The following UNC79 variants were observed in gnomAD, a reference collection of about 807,000 sequenced individuals.
The protein encoded by UNC79 is protein unc-79 homolog.
A neutral mutation model predicts 283.1 loss-of-function variants in UNC79; 37 were observed. The observed-to-expected ratio is 0.13, with a 90% CI of 0.10 to 0.17. UNC79 has a LOEUF of 0.17. Among genes scored for constraint, UNC79 ranks in the 10% least tolerant of loss-of-function variants. UNC79 has a pLI of 1.00. For synonymous variants in UNC79, 1,107 were observed against 1,200.2 expected, an observed-to-expected ratio of 0.92 and a Z score of 1.61; for missense variants, 2,272 against 3,211.1, an observed-to-expected ratio of 0.71 and a Z score of 7.07.
chr14:93,594,205 G>A (rs1460819842), intron 23 of UNC79, among the ~76,000 whole-genome samples: 1 of 152,064 alleles, frequency 6.6e-6, no homozygotes, highest in Admixed American at 6.6e-5. Context: ...ACATTATCTG[G>A]CCACATCCTA....
intron 48 of UNC79, among the ~76,000 whole-genome samples, chr14:93,705,185 T>C (rs975254575): frequency 6.6e-6 from 1 of 151,926 alleles, no homozygotes; most frequent in African/African-American, 2.4e-5. Context: ...TACAGTGAGC[T>C]ATGATCCTGC....
chr14:93,516,898 C>G (rs1219900128), intron 7 of UNC79, among the ~76,000 whole-genome samples: 1 of 151,942 alleles, frequency 6.6e-6, no homozygotes, highest in African/African-American at 2.4e-5. Flanking sequence ...GCAATATTTG[C>G]TGGTTTTTAG....
chr14:93,679,974 T>C (rs1349466713), intron 41 of UNC79, among the ~76,000 whole-genome samples: 1 of 152,238 alleles, frequency 6.6e-6, no homozygotes, highest in East Asian at 1.9e-4. Flanking sequence ...CAGAAAGGTT[T>C]ATTAAGGTTT....
chr14:93,528,473 C>A, intron 8 of UNC79, 85 bp from the exon 9 acceptor site: 1 of 1,253,050 alleles, frequency 8.0e-7, no homozygotes, highest in Non-Finnish European at 1.1e-6. Flanking sequence ...GAAAATCTGT[C>A]ATTATTGAAG....
At chr14:93,358,237 G>A (rs377090054) in intron 1 of UNC79, among the ~76,000 whole-genome samples, 1 of 152,070 alleles carries the variant, frequency 6.6e-6, no homozygotes, top group Non-Finnish European at 1.5e-5. Context: ...TGACACCCCT[G>A]AGAGGCAAGG....
rs570596416 is a variant in UNC79 at position 93,646,208 on chromosome 14, T to C, written c.6045-400T>C. On this transcript the variant is annotated intron_variant, in intron 34 of 48. Coordinates refer to ENST00000555664, the Ensembl canonical transcript of UNC79. ...TCCTGTTATCTATTTTACTATCTTA[T>C]GGAGGCTTTTACCACTTGTGGTTTG... 2.0e-5 allele frequency among the ~76,000 whole-genome samples: 3 copies of C among 152,324 alleles called. No homozygotes were observed. The East Asian group carries it at 5.8e-4, about 29-fold the overall frequency.
chr14:93,463,419 A>T (rs1470932874), intron 1 of UNC79, among the ~76,000 whole-genome samples: 1 of 152,146 alleles, frequency 6.6e-6, no homozygotes, highest in Non-Finnish European at 1.5e-5. Flanking sequence ...CTGAAGGCAG[A>T]GGACTGTCGC....
At chr14:93,507,818 A>G (rs1376355967) in intron 7 of UNC79, among the ~76,000 whole-genome samples, 1 of 152,144 alleles carries the variant, frequency 6.6e-6, no homozygotes, top group Non-Finnish European at 1.5e-5. Context: ...TTCTCCTTCC[A>G]GAAGGTCTAT....
At position 93,621,946 on chromosome 14, in the gene UNC79, A is replaced by C. The variant is rs1240686157; in HGVS notation, c.4713A>C (p.Pro1571=). 6.2e-7 allele frequency: 1 copy of C among 1,614,066 alleles called. No homozygotes were observed. Among genetic ancestry groups the C allele is most frequent in the Non-Finnish European group, 8.5e-7 (1 of 1,180,002 alleles). The change falls in exon 30 of 49, where the codon CCA becomes CCC. Residue 1571 remains proline (P), a synonymous_variant. Coordinates refer to ENST00000555664, the Ensembl canonical transcript of UNC79. The surrounding 1 kb of genome is among the most constrained non-coding windows in gnomAD (Gnocchi z 4.8). ...AGAACCCAGCTATGGAAGGGTTTCC[A>C]GATGCTCGAAGGCCTGTCATACCAG...
chr14:93,600,210 CAAAG>C (rs1233002685), intron 24 of UNC79, among the ~76,000 whole-genome samples: 3 of 151,996 alleles, frequency 2.0e-5, no homozygotes, highest in African/African-American at 7.2e-5. Flanking sequence ...AAAAAACAAA[CAAAG>C]AAACAAACAA....
At chr14:93,637,457 C>G in intron 32 of UNC79, 158 bp downstream of exon 35, 1 of 1,302,380 alleles carries the variant, frequency 7.7e-7, no homozygotes, top group African/African-American at 1.5e-5. Flanking sequence ...TGCGTGACAT[C>G]TCATCTTTGA....
rs1162215240 is a variant in UNC79 at position 93,693,782 on chromosome 14, T to C, written c.7471-553T>C. On this transcript the variant is annotated intron_variant, in intron 46 of 48. Coordinates refer to ENST00000555664, the Ensembl canonical transcript of UNC79. The stretch of plus-strand genomic sequence containing the variant: ...TACCCTAGTCTAATGTAAATCCCCT[T>C]ACCTTGCAAAAGATATCCAGAAAAC... Among the ~76,000 whole-genome samples the C allele has an allele frequency of 4.6e-5, 7 of 152,248 alleles. 1 individual carries two copies. Among genetic ancestry groups the C allele is most frequent in the Non-Finnish European group, 8.8e-5 (6 of 68,050 alleles).
chr14:93,608,693 T>G (rs1318407699), intron 26 of UNC79, among the ~76,000 whole-genome samples: 1 of 152,198 alleles, frequency 6.6e-6, no homozygotes, highest in African/African-American at 2.4e-5. Flanking sequence ...GATCCTTTCT[T>G]CCTCTACCTA....
intron 26 of UNC79, 101 bp downstream of exon 27, chr14:93,605,062 G>C: frequency 7.9e-7 from 1 of 1,271,072 alleles, no homozygotes. Flanking sequence ...GATATACCTA[G>C]GATTTGCAAG....
Position 93,630,029 on chromosome 14 carries a change from T to C in UNC79, c.5609-772T>C, listed in dbSNP as rs114714078. On this transcript the variant is annotated intron_variant, in intron 30 of 48. Coordinates refer to ENST00000555664, the Ensembl canonical transcript of UNC79. ...GGGACAGAGTGTTTCCCATTACTGA[T>C]AGGTTAATAAGACAATATTATATGC... Among the ~76,000 whole-genome samples the C allele has an allele frequency of 6.9e-3, 1,053 of 152,338 alleles. 17 individuals are homozygous for C. Among genetic ancestry groups the C allele is most frequent in the African/African-American group, 0.025 (1,019 of 41,576 alleles).
At chr14:93,654,170 T>A (rs2070645653) in intron 37 of UNC79, 145 bp downstream of exon 40, 1 of 562,666 alleles carries the variant, frequency 1.8e-6, no homozygotes, top group Non-Finnish European at 2.8e-6. Context: ...AAATCTAAAA[T>A]TTTAAAATTA....
intron 14 of UNC79, among the ~76,000 whole-genome samples, chr14:93,568,295 T>A (rs2063015334): frequency 6.6e-6 from 1 of 152,112 alleles, no homozygotes; most frequent in African/African-American, 2.4e-5. Context: ...TGAGCCAAGC[T>A]CCATCCTTAC....
At chr14:93,344,226 T>C (rs754437018) in intron 1 of UNC79, among the ~76,000 whole-genome samples, 3 of 152,250 alleles carry the variant, frequency 2.0e-5, no homozygotes, top group Non-Finnish European at 2.9e-5. Flanking sequence ...CTCACTTTAC[T>C]TCAGAATTTT....
chr14:93,406,156 G>A (rs976737479), intron 1 of UNC79, among the ~76,000 whole-genome samples: 9 of 152,110 alleles, frequency 5.9e-5, no homozygotes, highest in Non-Finnish European at 1.2e-4. Context: ...TGAGAAAATT[G>A]TTAAACAATG....
Sources: gnomAD v4.1 joint callset for allele counts (sites outside exome capture counted in the v4.1 genomes callset) on GRCh38, gnomAD v4.1.1 for gene constraint, Gnocchi (gnomAD v3.1) non-coding constraint, MANE v1.5 for transcripts, NCBI Gene and HGNC (gene_info 2026-07-23, HGNC 2026-07-21) for gene names.